Variants in C11orf65 observed in about 807,000 individuals in gnomAD.
C11orf65 encodes protein MFI.
In C11orf65, 38 loss-of-function variants were observed where a neutral mutation model predicts 35.3. The observed-to-expected ratio is 1.08, with a 90% CI of 0.83 to 1.41. The LOEUF (loss-of-function observed/expected upper bound fraction) is 1.41, where lower values mean the gene tolerates loss of function less well. C11orf65 is among the 40% of genes most tolerant of loss of function. C11orf65 has a pLI of 0.00. For missense variants in C11orf65, 370 were observed against 367.1 expected (o/e 1.01, Z -0.06); for synonymous variants, 105 against 114.4 (o/e 0.92, Z 0.53).
intron 2 of C11orf65, among the ~76,000 whole-genome samples, chr11:108,363,445 A>C (rs758470792): frequency 1.3e-5 from 2 of 152,154 alleles, no homozygotes; most frequent in Admixed American, 6.5e-5. Flanking sequence ...AAGGAAATAT[A>C]TCTCTCCCTC....
downstream of C11orf65, chr11:108,329,003 GGTTGT>G (rs1424256410): frequency 1.3e-6 from 2 of 1,596,436 alleles, no homozygotes; most frequent in South Asian, 2.2e-5. Context: ...AATTTAAATT[GGTTGT>G]GTTTTCTTGA....
intron 2 of C11orf65, among the ~76,000 whole-genome samples, chr11:108,360,217 A>G (rs1383634732): frequency 1.3e-5 from 2 of 150,636 alleles, no homozygotes; most frequent in East Asian, 3.9e-4. Context: ...AAATTCCTCG[A>G]CACATACACT....
intron 3 of C11orf65, among the ~76,000 whole-genome samples, chr11:108,417,468 G>A (rs538783805): frequency 7.9e-5 from 12 of 152,014 alleles, no homozygotes; most frequent in Non-Finnish European, 1.2e-4. Context: ...GCTTGAACCC[G>A]GGAGGTGGAG....
At chr11:108,437,546 A>G (rs540630758) in intron 2 of C11orf65, among the ~76,000 whole-genome samples, 48 of 151,828 alleles carry the variant, frequency 3.2e-4, no homozygotes, top group Admixed American at 3.0e-3. Context: ...TCTACTAAGC[A>G]TACAAAAATT....
At chr11:108,322,757 C>T (rs2085328019) in intron 6 of C11orf65, among the ~76,000 whole-genome samples, 1 of 152,012 alleles carries the variant, frequency 6.6e-6, no homozygotes, top group South Asian at 2.1e-4. Flanking sequence ...AAGTGCTTTT[C>T]TCTTTATAAC....
intron 3 of C11orf65, among the ~76,000 whole-genome samples, chr11:108,429,631 C>A (rs1369842924): frequency 6.6e-6 from 1 of 152,136 alleles, no homozygotes; most frequent in Non-Finnish European, 1.5e-5. Context: ...TCCAGCAATT[C>A]CACTTCTGGA....
At chr11:108,441,615 A>G (rs2093155798) in intron 2 of C11orf65, among the ~76,000 whole-genome samples, 1 of 152,202 alleles carries the variant, frequency 6.6e-6, no homozygotes, top group South Asian at 2.1e-4. Flanking sequence ...TGCCCCTCTG[A>G]GACAAAGCTT....
intron 2 of C11orf65, among the ~76,000 whole-genome samples, chr11:108,376,875 T>C (rs1349644604): frequency 6.6e-6 from 1 of 150,832 alleles, no homozygotes; most frequent in Non-Finnish European, 1.5e-5. Flanking sequence ...AACTAGAAAA[T>C]CTAGAAGAAA....
intron 3 of C11orf65, among the ~76,000 whole-genome samples, chr11:108,430,960 T>C (rs2092981278): frequency 6.7e-6 from 1 of 148,358 alleles, no homozygotes; most frequent in South Asian, 2.1e-4. Context: ...GAGAGTTGAA[T>C]AAGCACTTTC....
chr11:108,381,307 T>C (rs1326966662), downstream of C11orf65, among the ~76,000 whole-genome samples: 1 of 152,188 alleles, frequency 6.6e-6, no homozygotes, highest in Non-Finnish European at 1.5e-5. Context: ...TGAGTCCATG[T>C]AGCCACTGGA....
chr11:108,331,668 GT>G (rs2086250610), intron 3 of C11orf65: 1 of 1,392,764 alleles, frequency 7.2e-7, no homozygotes, highest in African/African-American at 1.5e-5. Context: ...ACAAAATTTT[GT>G]ATTTTTTGTC....
intron 3 of C11orf65, among the ~76,000 whole-genome samples, chr11:108,419,846 A>C (rs1015105079): frequency 3.3e-5 from 5 of 152,374 alleles, no homozygotes; most frequent in Middle Eastern, 6.8e-3. Context: ...TTCCCTCTGA[A>C]ATCCAGAATA....
At chr11:108,342,528 T>A (rs1472040836) in intron 2 of C11orf65, among the ~76,000 whole-genome samples, 9 of 152,146 alleles carry the variant, frequency 5.9e-5, no homozygotes, top group Non-Finnish European at 4.4e-5. Flanking sequence ...CAGCTAACAG[T>A]CATCTTGATG....
At chr11:108,317,252 T>A in intron 6 of C11orf65, 1 of 1,075,724 alleles carries the variant, frequency 9.3e-7, no homozygotes, top group South Asian at 1.4e-5. Context: ...ATTTTGGGAT[T>A]TTAAATGATA....
chr11:108,469,097 A>G (rs2093562502), upstream of C11orf65, among the ~76,000 whole-genome samples: 1 of 151,928 alleles, frequency 6.6e-6, no homozygotes, highest in African/African-American at 2.4e-5. Context: ...CTGTAGTCCC[A>G]GCTACTCAGG....
chr11:108,380,051 CTAAT>C (rs1591424582), downstream of C11orf65, among the ~76,000 whole-genome samples: 1 of 152,186 alleles, frequency 6.6e-6, no homozygotes, highest in East Asian at 1.9e-4. Context: ...TCCACGTCAC[CTAAT>C]TCAGTTGCCC....
intron 6 of C11orf65, chr11:108,326,264 T>G: frequency 6.2e-7 from 1 of 1,610,628 alleles, no homozygotes; most frequent in South Asian, 1.1e-5. Context: ...GTTTTACTGT[T>G]ATTTAAAAAA....
chr11:108,344,333 C>T (rs1467974977), intron 2 of C11orf65, among the ~76,000 whole-genome samples: 1 of 151,948 alleles, frequency 6.6e-6, no homozygotes, highest in Non-Finnish European at 1.5e-5. Context: ...AGTTGTTTTT[C>T]CAGGCAGAAG....
At chr11:108,467,567 TAGCCCCGCCTTCTA>T (rs2093556162), upstream of C11orf65, 3 of 152,228 alleles carry the variant, frequency 2.0e-5, no homozygotes, top group Admixed American at 2.0e-4. Context: ...ATTGCCCTCC[TAGCCCCGCCTTCTA>T]GGCCCCGCCT....
Sources: allele counts gnomAD v4.1 joint callset (sites outside exome capture counted in the v4.1 genomes callset), GRCh38; gene constraint gnomAD v4.1.1; transcripts MANE v1.5; gene names NCBI Gene and HGNC (gene_info 2026-07-23, HGNC 2026-07-21).